Variants in TRPM3 observed in about 807,000 individuals in gnomAD.
TRPM3 encodes transient receptor potential cation channel subfamily M member 3.
In TRPM3, 77 loss-of-function variants were observed where a neutral mutation model predicts 181.2. That is an observed-to-expected ratio of 0.42 (90% CI 0.35 to 0.51). The LOEUF (loss-of-function observed/expected upper bound fraction) is 0.51, where lower values mean the gene tolerates loss of function less well. TRPM3 is among the 20% of genes least tolerant of loss of function. The probability of loss-of-function intolerance (pLI) is 0.01; values close to 1 mark genes in which losing one functional copy is unlikely to be tolerated. For synonymous variants in TRPM3, 745 were observed against 796.4 expected, an observed-to-expected ratio of 0.94 and a Z score of 1.09; for missense variants, 1,759 against 2,196.7, an observed-to-expected ratio of 0.80 and a Z score of 3.98.
rs149787958 is a variant in TRPM3 at position 71,193,686 on chromosome 9, C to T, written c.183+252967G>A. On this transcript the variant is annotated intron_variant, in intron 1 of 24. Transcript: ENST00000357533. Reference sequence around the variant, plus strand: ...AAAACACAAAATTGTCCTTTTTGTTCTCCAAACTTAACTTTTCTATTCTCT... The same window carrying T: ...AAAACACAAAATTGTCCTTTTTGTTTTCCAAACTTAACTTTTCTATTCTCT... Among the ~76,000 whole-genome samples, 167 of 151,988 alleles carry T rather than the reference C, an allele frequency of 1.1e-3. 2 individuals are homozygous for T. Among genetic ancestry groups the T allele is most frequent in the African/African-American group, 3.6e-3 (148 of 41,528 alleles).
intron 1 of TRPM3, among the ~76,000 whole-genome samples, chr9:71,197,461 G>T (rs899766456): frequency 3.1e-4 from 47 of 152,136 alleles, no homozygotes; most frequent in Non-Finnish European, 6.3e-4. Context: ...CTTCCACAAG[G>T]GTTGAACTAG....
intron 1 of TRPM3, among the ~76,000 whole-genome samples, chr9:70,988,787 G>C (rs2097447268): frequency 6.6e-6 from 1 of 152,180 alleles, no homozygotes; most frequent in South Asian, 2.1e-4. Flanking sequence ...TTGAAGAAAG[G>C]CAGCATCTGT....
rs113458014 is a variant in TRPM3, at chr9:71,067,312, T to C, written c.177+53866A>G. ...ACCAAGCAAAAATTAAATTCCACTA[T>C]TGCATGATCCAGAGATAACTGCTGT... On this transcript the variant is annotated intron_variant, in intron 1 of 25. Transcript: ENST00000677713. 2.1e-3 allele frequency among the ~76,000 whole-genome samples: 321 copies of C among 152,332 alleles called. 3 individuals carry two copies. Among genetic ancestry groups the C allele is most frequent in the East Asian group, 6.8e-3 (35 of 5,182 alleles).
chr9:71,021,577 T>C (rs995964767), intron 1 of TRPM3, among the ~76,000 whole-genome samples: 2 of 152,226 alleles, frequency 1.3e-5, no homozygotes, highest in African/African-American at 4.8e-5. Flanking sequence ...GTAATGTCTA[T>C]TGACCTTCAA....
chr9:70,647,224 G>A (rs1199576781), intron 9 of TRPM3, among the ~76,000 whole-genome samples: 1 of 151,928 alleles, frequency 6.6e-6, no homozygotes, highest in Non-Finnish European at 1.5e-5. Context: ...AAACCTGGCA[G>A]AGACACAATG....
intron 1 of TRPM3, among the ~76,000 whole-genome samples, chr9:71,178,769 G>C (rs796158818): frequency 6.6e-6 from 1 of 152,016 alleles, no homozygotes; most frequent in Admixed American, 6.6e-5. Flanking sequence ...CTAACTAAAC[G>C]TGACGCACAA....
intron 1 of TRPM3, among the ~76,000 whole-genome samples, chr9:70,881,628 T>A (rs1053800244): frequency 6.6e-6 from 1 of 152,186 alleles, no homozygotes; most frequent in Admixed American, 6.5e-5. Context: ...GGTAGATTAG[T>A]GGGGTTTAAT....
chr9:71,260,837 T>C (rs926342767), intron 1 of TRPM3, among the ~76,000 whole-genome samples: 2 of 152,238 alleles, frequency 1.3e-5, no homozygotes, highest in African/African-American at 4.8e-5. Context: ...CAGAGATAAT[T>C]TGACTTCCCC....
intron 8 of TRPM3, among the ~76,000 whole-genome samples, chr9:70,691,004 A>C (rs1291761559): frequency 1.3e-5 from 2 of 152,238 alleles, no homozygotes; most frequent in South Asian, 2.1e-4. Flanking sequence ...AGAAATGAAC[A>C]TGATGATTTA....
At position 71,113,176 on chromosome 9, in the gene TRPM3, G is replaced by A. The variant is rs971155857; in HGVS notation, c.177+8002C>T. ...TGGCTGTGGGAAGGATGGATTTGAAGTAGACAACACTGGAGGCAGCTGTAG... is the reference window on the plus strand; with the variant it reads ...TGGCTGTGGGAAGGATGGATTTGAAATAGACAACACTGGAGGCAGCTGTAG... On this transcript the variant is annotated intron_variant, in intron 1 of 25. Transcript: ENST00000677713. 7.2e-5 allele frequency among the ~76,000 whole-genome samples: 11 copies of A among 152,272 alleles called. No homozygotes were observed. The East Asian group carries it at 1.7e-3, about 24-fold the overall frequency.
intron 1 of TRPM3, among the ~76,000 whole-genome samples, chr9:70,959,791 A>T (rs1008203463): frequency 6.6e-6 from 1 of 152,194 alleles, no homozygotes; most frequent in Non-Finnish European, 1.5e-5. Context: ...AGATTGCGTT[A>T]TAATTTCTCA....
chr9:71,156,076 G>T (rs1486726596), intron 1 of TRPM3, among the ~76,000 whole-genome samples: 3 of 152,014 alleles, frequency 2.0e-5, no homozygotes, highest in Non-Finnish European at 4.4e-5. Flanking sequence ...AAAGTTGAAA[G>T]CCATCACTCT....
chr9:71,418,744 A>ATAG lies in TRPM3; in HGVS notation c.183+27908_183+27909insCTA, dbSNP rs954235481. Among the ~76,000 whole-genome samples, 8 of 148,694 alleles carry ATAG rather than the reference A, an allele frequency of 5.4e-5. No homozygotes were observed. In the Admixed American group the frequency reaches 5.4e-4, roughly 10 times the overall value. Reference sequence around the variant, plus strand: ...GGCTCAAAGGATACTATATATATATATATCCTTTGAGATACTATATATATA... The same window carrying ATAG: ...GGCTCAAAGGATACTATATATATATATAGTATCCTTTGAGATACTATATATATA... On this transcript the variant is annotated intron_variant, in intron 1 of 24. Transcript: ENST00000357533.
chr9:70,641,269 G>A (rs1022639235), intron 9 of TRPM3, among the ~76,000 whole-genome samples: 7 of 152,130 alleles, frequency 4.6e-5, no homozygotes, highest in Admixed American at 2.6e-4. Flanking sequence ...ACCAGAATCC[G>A]TATTTTCACA....
intron 1 of TRPM3, among the ~76,000 whole-genome samples, chr9:71,291,715 A>G (rs1023606699): frequency 1.3e-5 from 2 of 152,142 alleles, no homozygotes; most frequent in African/African-American, 4.8e-5. Flanking sequence ...ACAATTACAA[A>G]TCTGCCCTCA....
chr9:71,202,633 G>C (rs1291654330), intron 1 of TRPM3, among the ~76,000 whole-genome samples: 1 of 152,182 alleles, frequency 6.6e-6, no homozygotes, highest in Non-Finnish European at 1.5e-5. Flanking sequence ...CAGGTACTCG[G>C]ACAGTGCAGG....
At chr9:70,637,614 CAG>C (rs1004789798) in intron 11 of TRPM3, among the ~76,000 whole-genome samples, 10 of 152,184 alleles carry the variant, frequency 6.6e-5, no homozygotes, top group African/African-American at 2.4e-4. Flanking sequence ...CTGGAGAAAA[CAG>C]AGACTAGGAG....
At chr9:70,630,461 G>C (rs1416145107) in intron 12 of TRPM3, among the ~76,000 whole-genome samples, 1 of 152,210 alleles carries the variant, frequency 6.6e-6, no homozygotes, top group Non-Finnish European at 1.5e-5. Context: ...GGATAGATGG[G>C]GATGGGGTGG....
intron 1 of TRPM3, among the ~76,000 whole-genome samples, chr9:71,215,000 G>A (rs528908850): frequency 3.6e-5 from 5 of 137,936 alleles, no homozygotes; most frequent in African/African-American, 1.4e-4. Flanking sequence ...TTACTTCACT[G>A]AGGATATCTG....
Sources: gnomAD v4.1 joint callset for allele counts (sites outside exome capture counted in the v4.1 genomes callset) on GRCh38, gnomAD v4.1.1 for gene constraint, MANE v1.5 for transcripts, NCBI Gene and HGNC (gene_info 2026-07-23, HGNC 2026-07-21) for gene names.